AREL1: variants seen among roughly 807,000 people sequenced by gnomAD.
AREL1 encodes apoptosis resistant E3 ubiquitin protein ligase 1, also known as apoptosis-resistant E3 ubiquitin protein ligase 1.
A neutral mutation model predicts 99.0 loss-of-function variants in AREL1; 62 were observed. That is an observed-to-expected ratio of 0.63 (90% confidence interval 0.51 to 0.77). The LOEUF (loss-of-function observed/expected upper bound fraction) is 0.77, where lower values mean the gene tolerates loss of function less well. AREL1 is among the 30% of genes least tolerant of loss of function. The probability of loss-of-function intolerance (pLI) is 0.00; values close to 1 mark genes in which losing one functional copy is unlikely to be tolerated. For missense variants in AREL1, 879 were observed against 1,027.6 expected, an observed-to-expected ratio of 0.86 and a Z score of 1.98; for synonymous variants, 380 against 376.5, an observed-to-expected ratio of 1.01 and a Z score of -0.11.
chr14:74,693,741 A>C (rs761498877), intron 1 of AREL1, among the ~76,000 whole-genome samples: 2 of 152,186 alleles, frequency 1.3e-5, no homozygotes, highest in Admixed American at 6.5e-5. Flanking sequence ...TTTAATGACT[A>C]CTCTACTGCC....
At chr14:74,697,475 T>A (rs1463465209) in intron 1 of AREL1, among the ~76,000 whole-genome samples, 1 of 152,200 alleles carries the variant, frequency 6.6e-6, no homozygotes, top group African/African-American at 2.4e-5. Flanking sequence ...TCAGTTTACA[T>A]TTACTATGGC....
At position 74,684,560 on chromosome 14, in the gene AREL1, A is replaced by G; in HGVS notation, c.137T>C (p.Ile46Thr). 1 of 1,614,192 alleles carries G rather than the reference A, an allele frequency of 6.2e-7. No homozygotes were observed. ...GTAATTTCCCCGCACGTAGTCATAA[A>G]TAGTCCGGTCCCCTCGGCGCTCGCG... is the stretch of plus-strand genomic sequence containing the variant. ...EDRERRGDRT[I>T]YDYVRGNYLD... is the part of the protein sequence containing the mutation. Residue 46 changes from isoleucine (I) to threonine (T), a missense_variant, in exon 4 of 20, where the codon ATT becomes ACT. Physicochemically the swap from Ile to Thr is moderately conservative, Grantham distance 89 (BLOSUM62 -1). Transcript: ENST00000356357.
rs2089729646 is a variant in AREL1 at position 74,685,593 on chromosome 14, A to T, written c.16+7T>A. On this transcript the variant is annotated splice_region_variant and intron_variant, in intron 3 of 19. Transcript: ENST00000356357. Reference sequence around the variant, plus strand: ...ATATAATAGAGAGAGCTCTTTCCATAACGTACCAATAACGTAAAACATCAG... The same window carrying T: ...ATATAATAGAGAGAGCTCTTTCCATTACGTACCAATAACGTAAAACATCAG... 6.2e-7 allele frequency: 1 copy of T among 1,614,048 alleles called. No individual in the cohort carries two copies. The highest frequency in any genetic ancestry group is 1.1e-5 in the South Asian group (1 of 91,080).
In AREL1 at chr14:74,700,843, GCAA is replaced by G. The variant is rs1181184718; in HGVS notation, c.-333-8518_-333-8516del. Among the ~76,000 whole-genome samples the G allele has an allele frequency of 2.6e-5, 4 of 152,238 alleles. No individual in the cohort carries two copies. The East Asian group carries it at 5.8e-4, about 22-fold the overall frequency. ...AATATGACTTCATTTTAGACTTTAA[GCAA>G]CAACAACAACAAAAAGATGTTTTTT... On this transcript the variant is annotated intron_variant, in intron 1 of 19. Transcript: ENST00000356357.
chr14:74,682,831 C>A (rs993640708), intron 5 of AREL1, among the ~76,000 whole-genome samples: 3 of 152,244 alleles, frequency 2.0e-5, no homozygotes, highest in African/African-American at 7.2e-5. Context: ...ACTCCTGCTC[C>A]CGCTTCGCCT....
chr14:74,688,253 A>C (rs922293072), intron 2 of AREL1, among the ~76,000 whole-genome samples: 5 of 151,956 alleles, frequency 3.3e-5, no homozygotes, highest in African/African-American at 1.2e-4. Context: ...TCTCGATCTC[A>C]TGACCTCGTG....
intron 18 of AREL1, among the ~76,000 whole-genome samples, 177 bp downstream of exon 18, chr14:74,664,659 C>T (rs953413187): frequency 7.5e-5 from 11 of 147,014 alleles, no homozygotes; most frequent in Non-Finnish European, 1.5e-4. Context: ...CGGGCTTTCA[C>T]CATGTGGCCA....
chr14:74,693,862 A>T (rs1254346385), intron 1 of AREL1, among the ~76,000 whole-genome samples: 2 of 152,232 alleles, frequency 1.3e-5, no homozygotes, highest in Non-Finnish European at 2.9e-5. Flanking sequence ...AAAATAAATA[A>T]GTATATGTAT....
chr14:74,701,749 AAG>A (rs2090089831), intron 1 of AREL1: 2 of 152,372 alleles, frequency 1.3e-5, no homozygotes, highest in East Asian at 3.9e-4. Context: ...CATCTGAGAC[AAG>A]GCAAGTCCCT....
intron 1 of AREL1, among the ~76,000 whole-genome samples, chr14:74,696,072 G>A (rs1438347282): frequency 1.3e-5 from 2 of 152,152 alleles, no homozygotes; most frequent in Non-Finnish European, 2.9e-5. Context: ...TATTATCTGT[G>A]GCTGCTTTTG....
At chr14:74,682,483 C>T (rs72732168) in intron 5 of AREL1, among the ~76,000 whole-genome samples, 3,372 of 152,234 alleles carry the variant, frequency 0.022, 55 homozygotes, top group Middle Eastern at 0.037. Context: ...CGACCACCAA[C>T]TGATGAAAGG....
In AREL1 at chr14:74,661,417, C is replaced by T; in HGVS notation, c.*2303G>A. The T allele has an allele frequency of 2.3e-6, 1 of 437,302 alleles. No individual in the cohort carries two copies. Among genetic ancestry groups the T allele is most frequent in the Non-Finnish European group, 4.6e-6 (1 of 217,960 alleles). The allele number at this position is 437,302 out of a possible 1,614,324, so 27.1% of individuals were successfully genotyped here. ...TCCTAGGTATTCACTCATGTCTGGT[C>T]TCCTTCAAAGACGCTAAAAGGCCAG... On this transcript the variant is annotated 3_prime_UTR_variant, in exon 20 of 20. Transcript: ENST00000356357.
intron 1 of AREL1, among the ~76,000 whole-genome samples, chr14:74,711,501 C>T (rs533342732): frequency 5.7e-4 from 87 of 152,126 alleles, no homozygotes; most frequent in Non-Finnish European, 8.7e-4. Flanking sequence ...CGAGATTGCG[C>T]CACTGCACTC....
At chr14:74,683,162 A>G in intron 5 of AREL1, 134 bp downstream of exon 5, 1 of 689,560 alleles carries the variant, frequency 1.5e-6, no homozygotes, top group Non-Finnish European at 2.4e-6. Flanking sequence ...ATTAAACTGT[A>G]TACTTTAAAA....
At chr14:74,694,429 T>C (rs2089941022) in intron 1 of AREL1, among the ~76,000 whole-genome samples, 1 of 152,192 alleles carries the variant, frequency 6.6e-6, no homozygotes, top group South Asian at 2.1e-4. Context: ...AAACTGTTTA[T>C]GTAGCACAAG....
chr14:74,686,632 A>C (rs2089754275), intron 2 of AREL1, among the ~76,000 whole-genome samples: 1 of 152,188 alleles, frequency 6.6e-6, no homozygotes, highest in Admixed American at 6.5e-5. Context: ...AAAAATTTCT[A>C]GGCTCAGATC....
intron 1 of AREL1, among the ~76,000 whole-genome samples, chr14:74,702,285 G>C (rs2139978251): frequency 6.6e-6 from 1 of 152,352 alleles, no homozygotes; most frequent in Middle Eastern, 3.4e-3. Context: ...ACTTCTGCCT[G>C]AACATTCAGG....
chr14:74,667,038 T>C (rs891684055), intron 17 of AREL1, among the ~76,000 whole-genome samples: 8 of 152,208 alleles, frequency 5.3e-5, no homozygotes, highest in African/African-American at 1.9e-4. Context: ...ACTTGATGAA[T>C]AAATGAGTAT....
In AREL1 at chr14:74,663,525, C is replaced by T; in HGVS notation, c.*195G>A. 1.6e-6 allele frequency: 1 copy of T among 618,284 alleles called. No individual in the cohort carries two copies. Among genetic ancestry groups the T allele is most frequent in the South Asian group, 1.8e-5 (1 of 56,138 alleles). 38.3% of individuals were successfully genotyped at this position (618,284 alleles called of 1,614,324 possible). A position where few individuals can be genotyped will look rare whatever the true frequency, so the allele number is the denominator to read the frequency against. On this transcript the variant is annotated 3_prime_UTR_variant, in exon 20 of 20. Transcript: ENST00000356357. ...CAGCTTACATACCATGCCAAAGTGGCCTGTGGTAGATATGGGCAGGGAGCA... is the reference window on the plus strand; with the variant it reads ...CAGCTTACATACCATGCCAAAGTGGTCTGTGGTAGATATGGGCAGGGAGCA...
Sources: allele counts gnomAD v4.1 joint callset (sites outside exome capture counted in the v4.1 genomes callset), GRCh38; gene constraint gnomAD v4.1.1; transcripts MANE v1.5; gene names NCBI Gene and HGNC (gene_info 2026-07-23, HGNC 2026-07-21).